SCN7A: variants seen among roughly 807,000 people sequenced by gnomAD.
SCN7A encodes sodium channel protein type 7 subunit alpha.
A neutral mutation model predicts 155.2 loss-of-function variants in SCN7A; 138 were observed. The observed-to-expected ratio is 0.89, with a 90% CI of 0.77 to 1.02. The LOEUF (loss-of-function observed/expected upper bound fraction) is 1.02, where lower values mean the gene tolerates loss of function less well. SCN7A is among the 50% of genes least tolerant of loss of function. The probability of loss-of-function intolerance (pLI) is 0.00; values close to 1 mark genes in which losing one functional copy is unlikely to be tolerated. For missense variants in SCN7A, 2,058 were observed against 1,986.6 expected, an observed-to-expected ratio of 1.04 and a Z score of -0.68; for synonymous variants, 693 against 649.0, an observed-to-expected ratio of 1.07 and a Z score of -1.03.
Position 166,441,593 on chromosome 2 carries a change from C to T in SCN7A, c.1960G>A (p.Glu654Lys). ...TTGTCTATGTGGCAGACAAATTCTT[C>T]ATAATTCTTACCAAACAGCTTCATG... ...FGMKLFGKNY[E>K]EFVCHIDKDC... The change falls in exon 15 of 26, where the codon GAA becomes AAA. Residue 654 changes from glutamate (E) to lysine (K), a missense_variant. Coordinates refer to ENST00000643258, the MANE Select transcript of SCN7A (RefSeq NM_002976.4). The T allele has an allele frequency of 6.2e-7, 1 of 1,613,904 alleles. No individual in the cohort carries two copies. Among genetic ancestry groups the T allele is most frequent in the South Asian group, 1.1e-5 (1 of 91,076 alleles).
chr2:166,414,311 T>TG (rs1701308424), intron 21 of SCN7A, among the ~76,000 whole-genome samples: 2 of 78,862 alleles, frequency 2.5e-5, no homozygotes, highest in South Asian at 3.8e-4. Flanking sequence ...TATATATATA[T>TG]ACACATATAT....
At chr2:166,462,794 A>AT (rs1271222582) in intron 9 of SCN7A, among the ~76,000 whole-genome samples, 1 of 152,040 alleles carries the variant, frequency 6.6e-6, no homozygotes, top group African/African-American at 2.4e-5. Context: ...GTATTTCTTT[A>AT]TTTTTTCATT....
chr2:166,457,862 T>C (rs977353124), intron 10 of SCN7A, among the ~76,000 whole-genome samples: 12 of 152,114 alleles, frequency 7.9e-5, no homozygotes, highest in Admixed American at 2.0e-4. Flanking sequence ...TGAACAAAAT[T>C]TAAGGAAACA....
chr2:166,445,491 T>C (rs1032921992), intron 12 of SCN7A, among the ~76,000 whole-genome samples: 8 of 152,170 alleles, frequency 5.3e-5, no homozygotes, highest in Non-Finnish European at 8.8e-5. Context: ...AATTCTGATA[T>C]GGAATTCAAA....
intron 10 of SCN7A, among the ~76,000 whole-genome samples, chr2:166,461,244 T>C (rs1702401953): frequency 6.6e-6 from 1 of 152,046 alleles, no homozygotes; most frequent in Admixed American, 6.6e-5. Context: ...AAAATAAGCA[T>C]GGACTGGATG....
chr2:166,410,104 GA>G, intron 24 of SCN7A, 115 bp downstream of exon 24: 1 of 1,122,580 alleles, frequency 8.9e-7, no homozygotes, highest in Non-Finnish European at 1.2e-6. Flanking sequence ...AAATGACCAT[GA>G]AAAGCTTTGT....
intron 2 of SCN7A, among the ~76,000 whole-genome samples, chr2:166,482,621 ACTGATT>A (rs1702954441): frequency 6.6e-6 from 1 of 152,038 alleles, no homozygotes; most frequent in Non-Finnish European, 1.5e-5. Context: ...TTTCATCAGT[ACTGATT>A]CTGTCATCCA....
intron 7 of SCN7A, 86 bp downstream of exon 7, chr2:166,470,529 C>T (rs1333900075): frequency 1.8e-6 from 2 of 1,126,250 alleles, no homozygotes; most frequent in East Asian, 5.5e-5. Context: ...TCAATATTTC[C>T]TCTGAACAAC....
intron 2 of SCN7A, among the ~76,000 whole-genome samples, chr2:166,484,018 A>C (rs1702989692): frequency 6.6e-6 from 1 of 152,038 alleles, no homozygotes; most frequent in East Asian, 1.9e-4. Context: ...GGTTAAATAC[A>C]TATAGAATGA....
intron 21 of SCN7A, chr2:166,414,563 A>G (rs1291053335): frequency 7.0e-6 from 1 of 141,868 alleles, no homozygotes. Context: ...CAGGCTTCGG[A>G]ATAATCTCCC....
chr2:166,443,666 C>T lies in SCN7A; in HGVS notation c.1637G>A (p.Gly546Glu), dbSNP rs1702005348. 5 of 1,537,378 alleles carry T rather than the reference C, an allele frequency of 3.3e-6. No homozygotes were observed. The highest frequency in any genetic ancestry group is 3.5e-6 in the Non-Finnish European group (4 of 1,141,608). ...LLNIGNLVFI[G>E]IFTAEMIFKI... is the part of the protein sequence containing the mutation. ...AAAAATCATTTCTGCTGTGAAAATT[C>T]CAATGAAAACCTAAATCAAAACCAA... The change falls in exon 14 of 26, where the codon GGA becomes GAA. Residue 546 changes from glycine to glutamate, a missense_variant. Coordinates refer to ENST00000643258, the MANE Select transcript of SCN7A (RefSeq NM_002976.4).
At chr2:166,412,414 A>G (rs1701221304) in intron 23 of SCN7A, 116 bp downstream of exon 23, 1 of 1,135,410 alleles carries the variant, frequency 8.8e-7, no homozygotes, top group South Asian at 3.0e-5. Flanking sequence ...TACATGTCAA[A>G]TAAAAATGAC....
In SCN7A at chr2:166,432,462, T is replaced by C; in HGVS notation, c.2448A>G (p.Lys816=). The C allele has an allele frequency of 1.2e-6, 2 of 1,613,688 alleles. No homozygotes were observed. Among genetic ancestry groups the C allele is most frequent in the Non-Finnish European group, 1.7e-6 (2 of 1,179,680 alleles). Residue 816 remains lysine, a synonymous_variant, in exon 16 of 26, where the codon AAA becomes AAG. Coordinates refer to ENST00000643258, the MANE Select transcript of SCN7A (RefSeq NM_002976.4). Reference sequence around the variant, plus strand: ...ATTGGCTCTCATTTTCAGTAGCGTTTTTCTCTGTGCCACTGCTTTTTTCCT... The same window carrying C: ...ATTGGCTCTCATTTTCAGTAGCGTTCTTCTCTGTGCCACTGCTTTTTTCCT... ...KDKEKSSGTE[K]NATENESQSL... is the part of the protein sequence containing the mutation.
At position 166,447,635 on chromosome 2, in the gene SCN7A, T is replaced by A. The variant is rs759007102; in HGVS notation, c.1364A>T (p.Asp455Val). 6.2e-7 allele frequency: 1 copy of A among 1,612,048 alleles called. No individual in the cohort carries two copies. Among genetic ancestry groups the A allele is most frequent in the Admixed American group, 1.7e-5 (1 of 59,980 alleles). Residue 455 changes from aspartate to valine, a missense_variant, in exon 12 of 26, where the codon GAT (aspartate) becomes GTT (valine). Physicochemically the swap from Asp to Val is radical, Grantham distance 152. Coordinates refer to ENST00000643258, the MANE Select transcript of SCN7A (RefSeq NM_002976.4). ...STDTSLDVLE[D>V]ATLRHKEELE... is the part of the protein sequence containing the mutation. ...ACCTTCCTTATGTCTGAGAGTAGCA[T>A]CTTCCAACACATCCAATGATGTGTC...
In SCN7A at chr2:166,446,350, C is replaced by T. The variant is rs374017006; in HGVS notation, c.1387+1262G>A. On this transcript the variant is annotated intron_variant, in intron 12 of 25. Coordinates refer to ENST00000643258, the MANE Select transcript of SCN7A (RefSeq NM_002976.4). The stretch of plus-strand genomic sequence containing the variant: ...ATTTCACGCCTGTTAGAATTGTGCT[C>T]ATTAAAAAGTCAGGAAACAACAGAT... Among the ~76,000 whole-genome samples, 7 of 152,218 alleles carry T rather than the reference C, an allele frequency of 4.6e-5. No individual in the cohort carries two copies. In the South Asian group the frequency reaches 1.5e-3, roughly 32 times the overall value.
At chr2:166,418,741 T>A (rs1435277545) in intron 20 of SCN7A, among the ~76,000 whole-genome samples, 2 of 152,200 alleles carry the variant, frequency 1.3e-5, no homozygotes, top group African/African-American at 2.4e-5. Flanking sequence ...CCATGTCTTT[T>A]AGAAAATCTA....
In SCN7A at chr2:166,432,323, T is replaced by C. The variant is rs1221537232; in HGVS notation, c.2587A>G (p.Lys863Glu). Reference protein sequence around the residue: ...IQSKSGDGGSKEKIKQSSSSE... With the variant: ...IQSKSGDGGSEEKIKQSSSSE... ...AGGATATTTAAACATCTTACCTCTT[T>C]GCTGCCTCCATCACCAGACTTACTC... Residue 863 changes from lysine (K) to glutamate (E), a missense_variant, in exon 16 of 26, where the codon AAA becomes GAA. Lys to Glu is a moderately conservative substitution (Grantham distance 56, BLOSUM62 1). Coordinates refer to ENST00000643258, the MANE Select transcript of SCN7A (RefSeq NM_002976.4). 7 of 1,602,632 alleles carry C rather than the reference T, an allele frequency of 4.4e-6. No individual in the cohort carries two copies. The highest frequency in any genetic ancestry group is 1.7e-5 in the Admixed American group (1 of 58,294).
intron 16 of SCN7A, among the ~76,000 whole-genome samples, chr2:166,431,015 C>A (rs3828174): frequency 0.26 from 39,877 of 151,676 alleles, 6,002 homozygotes; most frequent in Non-Finnish European, 0.34. Context: ...ATAAAAACTG[C>A]AATTTCAATA....
At chr2:166,412,912 T>C (rs1222880315) in intron 22 of SCN7A, among the ~76,000 whole-genome samples, 156 bp downstream of exon 22, 2 of 152,072 alleles carry the variant, frequency 1.3e-5, no homozygotes, top group Non-Finnish European at 2.9e-5. Context: ...CCTCAATCAT[T>C]GTATATAATA....
Sources: allele counts gnomAD v4.1 joint callset (sites outside exome capture counted in the v4.1 genomes callset), GRCh38; gene constraint gnomAD v4.1.1; transcripts MANE v1.5; gene names NCBI Gene and HGNC (gene_info 2026-07-23, HGNC 2026-07-21).